The following WRAP73 variants were observed in gnomAD, a reference collection of about 807,000 sequenced individuals.
The protein encoded by WRAP73 is WD repeat containing, antisense to TP73, also known as WD repeat-containing protein WRAP73.
In WRAP73, 55 loss-of-function variants were observed where a neutral mutation model predicts 59.6. That is an observed-to-expected ratio of 0.92 (90% CI 0.74 to 1.15). The LOEUF (loss-of-function observed/expected upper bound fraction) is 1.15, where lower values mean the gene tolerates loss of function less well. Ranked by LOEUF, WRAP73 falls within the 50% of genes most tolerant of loss-of-function variation. WRAP73 has a pLI of 0.00. For missense variants in WRAP73, 592 were observed against 608.1 expected (o/e 0.97, Z 0.28); for synonymous variants, 265 against 258.2 (o/e 1.03, Z -0.25).
At chr1:3,637,143 C>A in intron 4 of WRAP73, 45 bp from the exon 5 acceptor site, 1 of 1,519,482 alleles carries the variant, frequency 6.6e-7, no homozygotes, top group Non-Finnish European at 9.0e-7. Flanking sequence ...GCCACAAAAT[C>A]AAGCAAGAGA....
chr1:3,631,677 G>A lies in WRAP73; in HGVS notation c.1049-20C>T, dbSNP rs1215119749. On this transcript the variant is annotated intron_variant, in intron 10 of 11. Transcript: ENST00000270708. The stretch of plus-strand genomic sequence containing the variant: ...TGTTGTCTGAGGAAGGAAGGACAGG[G>A]CACCGGTGTCATCCCTGCCTGGCTC... The A allele has an allele frequency of 3.8e-6, 6 of 1,575,048 alleles. No homozygotes were observed. The highest frequency in any genetic ancestry group is 1.1e-5 in the South Asian group (1 of 87,830).
chr1:3,646,706 C>G lies in WRAP73; in HGVS notation c.299G>C (p.Ser100Thr). Residue 100 changes from serine to threonine, a missense_variant, in exon 3 of 12, where the codon AGC becomes ACC. Physicochemically the swap from Ser to Thr is moderately conservative, Grantham distance 58 (BLOSUM62 1). Coordinates refer to ENST00000270708, the MANE Select transcript of WRAP73 (RefSeq NM_017818.4). This position sits in a 1 kb window ranked among gnomAD's most constrained non-coding sequence, Gnocchi z 5.1. The stretch of plus-strand genomic sequence containing the variant: ...GTTGAGAATGTGGCGCCCGTCCGGG[C>G]TCCAGCACGAGGCCACCAGCCCGGC... ...GSAGLVASCW[S>T]PDGRHILNTT... 6.2e-7 allele frequency: 1 copy of G among 1,608,188 alleles called. No homozygotes were observed. The highest frequency in any genetic ancestry group is 8.5e-7 in the Non-Finnish European group (1 of 1,175,750).
At chr1:3,632,721 C>T in intron 9 of WRAP73, 1 of 313,180 alleles carries the variant, frequency 3.2e-6, no homozygotes, top group Non-Finnish European at 6.2e-6. Context: ...CGTCAGTACC[C>T]TTAGACTTTC....
intron 9 of WRAP73, chr1:3,632,759 A>G: frequency 3.6e-6 from 1 of 276,510 alleles, no homozygotes; most frequent in South Asian, 3.5e-5. Context: ...TCATCACAGC[A>G]GAAGCAGGGG....
In WRAP73 at chr1:3,637,118, C is replaced by A. The variant is rs1305669477; in HGVS notation, c.413-20G>T. ...TGATTCCTGTGGGAAGAGGCAAATG[C>A]ACTGAAATCAAGCGGCCACAAAATC... is the stretch of plus-strand genomic sequence containing the variant. On this transcript the variant is annotated intron_variant, in intron 4 of 11. Coordinates refer to ENST00000270708, the MANE Select transcript of WRAP73 (RefSeq NM_017818.4). 2 of 1,587,078 alleles carry A rather than the reference C, an allele frequency of 1.3e-6. No individual in the cohort carries two copies. Among genetic ancestry groups the A allele is most frequent in the Admixed American group, 1.7e-5 (1 of 57,148 alleles).
intron 5 of WRAP73, chr1:3,636,718 C>A: frequency 2.1e-6 from 1 of 475,262 alleles, no homozygotes; most frequent in African/African-American, 1.9e-5. Flanking sequence ...GTGGCACACA[C>A]ATGCGCAAAC....
intron 6 of WRAP73, 150 bp from the exon 7 acceptor site, chr1:3,635,444 TAG>T: frequency 9.7e-7 from 1 of 1,032,672 alleles, no homozygotes; most frequent in Non-Finnish European, 1.4e-6. Context: ...AACTGCCAGC[TAG>T]TACTGAGATA....
chr1:3,635,076 T>C lies in WRAP73; in HGVS notation c.739-2A>G, dbSNP rs375755814. 2.5e-6 allele frequency: 4 copies of C among 1,614,100 alleles called. No homozygotes were observed. Among genetic ancestry groups the C allele is most frequent in the East Asian group, 2.2e-5 (1 of 44,892 alleles). On this transcript the variant is annotated splice_acceptor_variant, in intron 7 of 11. Transcript: ENST00000270708. LOFTEE classifies it high-confidence loss of function. ...AGTCACGTGATTAAGGATGCGCACC[T>C]GAGGAAGGAAACCATGCACAGGTGA... is the stretch of plus-strand genomic sequence containing the variant.
intron 9 of WRAP73, chr1:3,633,197 G>A: frequency 1.7e-6 from 1 of 576,908 alleles, no homozygotes; most frequent in South Asian, 2.0e-5. Context: ...TTCAGTAACA[G>A]AAGCCGCACC....
At chr1:3,636,116 A>C (rs1251987516) in intron 5 of WRAP73, 86 bp from the exon 6 acceptor site, 1 of 988,668 alleles carries the variant, frequency 1.0e-6, no homozygotes, top group East Asian at 2.5e-5. Flanking sequence ...TTCTTAACGC[A>C]CTTAATTTCC....
At position 3,649,968 on chromosome 1, in the gene WRAP73, C is replaced by G; in HGVS notation, c.32G>C (p.Ser11Thr). The G allele has an allele frequency of 2.5e-6, 4 of 1,603,834 alleles. No homozygotes were observed. The highest frequency in any genetic ancestry group is 3.4e-6 in the Non-Finnish European group (4 of 1,176,442). MNFSEVFKLSSLLCKFSPDGK... is the reference protein window; with the variant it reads MNFSEVFKLSTLLCKFSPDGK... ...GTCCGGGGAGAACTTGCAGAGTAAG[C>G]TGGAGAGCTTGAATACCTCGGAGAA... Residue 11 changes from serine (S) to threonine (T), a missense_variant, in exon 1 of 12, where the codon AGC becomes ACC. Coordinates refer to ENST00000270708, the MANE Select transcript of WRAP73 (RefSeq NM_017818.4).
chr1:3,633,444 C>T lies in WRAP73; in HGVS notation c.876G>A (p.Pro292=), dbSNP rs774458134. ...PQLGLGCLSF[P]PPRAGAGPLP... is the part of the protein sequence containing the mutation. Reference sequence around the variant, plus strand: ...GAGGGCCGGCCCCGGCCCGGGGCGGCGGGAAGGAGAGGCAGCCCAGTCCCA... The same window carrying T: ...GAGGGCCGGCCCCGGCCCGGGGCGGTGGGAAGGAGAGGCAGCCCAGTCCCA... The change falls in exon 9 of 12, where the codon CCG becomes CCA. Residue 292 remains proline (P), a synonymous_variant. Coordinates refer to ENST00000270708, the MANE Select transcript of WRAP73 (RefSeq NM_017818.4). 4.2e-5 allele frequency: 67 copies of T among 1,612,224 alleles called. No homozygotes were observed. The highest frequency in any genetic ancestry group is 1.6e-4 in the Middle Eastern group (1 of 6,074).
Position 3,646,914 on chromosome 1 carries a change from G to T in WRAP73, c.223-132C>A, listed in dbSNP as rs755690285. ...TTCAAACTCATCAGCAGTCTATAGCGAGGCCTCGCCGAGAGACAACTCCCT... is the reference window on the plus strand; with the variant it reads ...TTCAAACTCATCAGCAGTCTATAGCTAGGCCTCGCCGAGAGACAACTCCCT... On this transcript the variant is annotated intron_variant, in intron 2 of 11. Coordinates refer to ENST00000270708, the MANE Select transcript of WRAP73 (RefSeq NM_017818.4). This position sits in a 1 kb window ranked among gnomAD's most constrained non-coding sequence, Gnocchi z 5.1. 1 of 692,862 alleles carries T rather than the reference G, an allele frequency of 1.4e-6. No individual in the cohort carries two copies. The highest frequency in any genetic ancestry group is 2.4e-6 in the Non-Finnish European group (1 of 409,416). 42.9% of individuals were successfully genotyped at this position (692,862 alleles called of 1,614,324 possible).
At chr1:3,638,944 G>C in intron 3 of WRAP73, 122 bp from the exon 4 acceptor site, 1 of 966,518 alleles carries the variant, frequency 1.0e-6, no homozygotes, top group South Asian at 1.5e-5. Context: ...GGATCTATCA[G>C]GACCTGGGGG....
intron 4 of WRAP73, 115 bp downstream of exon 4, chr1:3,638,635 G>T: frequency 9.2e-7 from 1 of 1,083,346 alleles, no homozygotes; most frequent in Non-Finnish European, 1.4e-6. Context: ...GCCCAAGGGG[G>T]TTGGCTATGT....
intron 3 of WRAP73, among the ~76,000 whole-genome samples, chr1:3,640,213 C>T (rs564131649): frequency 2.6e-5 from 4 of 152,314 alleles, no homozygotes; most frequent in South Asian, 4.1e-4. Flanking sequence ...GACCATGCCT[C>T]GGAACTCCAG....
At chr1:3,637,504 T>A (rs1644599880) in intron 4 of WRAP73, among the ~76,000 whole-genome samples, 1 of 152,256 alleles carries the variant, frequency 6.6e-6, no homozygotes, top group Admixed American at 6.5e-5. Flanking sequence ...CTACCATATT[T>A]ATTTTACCTT....
rs1035830533 is a variant in WRAP73, at chr1:3,635,284, A to C, written c.614T>G (p.Leu205Arg). Residue 205 changes from leucine to arginine, a missense_variant, in exon 7 of 12, where the codon CTG (leucine) becomes CGG (arginine). Physicochemically the swap from Leu to Arg is moderately radical, Grantham distance 102 (BLOSUM62 -2). Coordinates refer to ENST00000270708, the MANE Select transcript of WRAP73 (RefSeq NM_017818.4). ...VWDTCLEYKI[L>R]LYSLDGRLLS... ...CAACCGGCCATCCAATGAGTACAGC[A>C]GAATCTTGTACTGCAGATGAGACAT... 3.7e-6 allele frequency: 6 copies of C among 1,613,864 alleles called. No homozygotes were observed. Among genetic ancestry groups the C allele is most frequent in the Non-Finnish European group, 5.1e-6 (6 of 1,179,988 alleles).
intron 6 of WRAP73, 157 bp downstream of exon 6, chr1:3,635,787 C>T (rs929078169): frequency 1.5e-6 from 1 of 666,176 alleles, no homozygotes; most frequent in African/African-American, 1.8e-5. Flanking sequence ...CACCACTGCA[C>T]TCCAGCCTGG....
Sources: allele counts gnomAD v4.1 joint callset (sites outside exome capture counted in the v4.1 genomes callset), GRCh38; gene constraint gnomAD v4.1.1; non-coding constraint Gnocchi (gnomAD v3.1); transcripts MANE v1.5; gene names NCBI Gene and HGNC (gene_info 2026-07-23, HGNC 2026-07-21).